Variants in SUPT3H observed in about 807,000 individuals in gnomAD.
The protein encoded by SUPT3H is transcription initiation protein SPT3 homolog.
Under a neutral mutation model 44.3 loss-of-function variants are expected in SUPT3H, and 44 were observed. That is an observed-to-expected ratio of 0.99 (90% CI 0.78 to 1.28). The LOEUF (loss-of-function observed/expected upper bound fraction) is 1.28. Among genes scored for constraint, SUPT3H ranks in the 50% most tolerant of loss-of-function variants. SUPT3H has a pLI of 0.00. For missense variants in SUPT3H, 380 were observed against 387.1 expected (o/e 0.98, Z 0.15); for synonymous variants, 124 against 125.6 (o/e 0.99, Z 0.09).
At chr6:45,154,947 G>A (rs1015577574) in intron 2 of SUPT3H, among the ~76,000 whole-genome samples, 1 of 152,104 alleles carries the variant, frequency 6.6e-6, no homozygotes, top group African/African-American at 2.4e-5. Context: ...AATATGGACA[G>A]TCAGTACATG....
intron 6 of SUPT3H, among the ~76,000 whole-genome samples, chr6:44,974,999 C>CGT (rs1289252197): frequency 1.3e-5 from 2 of 151,988 alleles, no homozygotes; most frequent in African/African-American, 2.4e-5. Flanking sequence ...GGTAAGACCC[C>CGT]GTCTCTACTA....
chr6:45,374,833 G>A (rs1037395327), intron 1 of SUPT3H, among the ~76,000 whole-genome samples: 3 of 152,162 alleles, frequency 2.0e-5, no homozygotes, highest in Non-Finnish European at 4.4e-5. Context: ...TGGCTTAAAT[G>A]GGAAAGTCAC....
At position 45,061,065 on chromosome 6, in the gene SUPT3H, A is replaced by T. The variant is rs368854751; in HGVS notation, c.187-40433T>A. On this transcript the variant is annotated intron_variant, in intron 3 of 10. Transcript: ENST00000371459. ...ATTCCTCAAAGATCAAGAAGCAGAAACACCATTTGACCCAGCAATGCCATT... is the reference window on the plus strand; with the variant it reads ...ATTCCTCAAAGATCAAGAAGCAGAATCACCATTTGACCCAGCAATGCCATT... Among the ~76,000 whole-genome samples, 53 of 152,280 alleles carry T rather than the reference A, an allele frequency of 3.5e-4. 1 individual carries two copies. The East Asian group carries it at 6.9e-3, about 20-fold the overall frequency.
intron 9 of SUPT3H, among the ~76,000 whole-genome samples, chr6:44,940,521 G>C (rs181249224): frequency 8.1e-4 from 123 of 152,226 alleles, no homozygotes; most frequent in African/African-American, 2.5e-3. Flanking sequence ...TTGTTGGGTA[G>C]AATGTTCTGT....
At chr6:45,237,746 A>G (rs1024140482) in intron 2 of SUPT3H, among the ~76,000 whole-genome samples, 1 of 152,220 alleles carries the variant, frequency 6.6e-6, no homozygotes, top group African/African-American at 2.4e-5. Flanking sequence ...TAGTTCCTGA[A>G]CAATTAGAAA....
chr6:44,878,094 A>C (rs539065369), intron 10 of SUPT3H, among the ~76,000 whole-genome samples: 1 of 152,204 alleles, frequency 6.6e-6, no homozygotes, highest in Non-Finnish European at 1.5e-5. Context: ...CAAACACTGA[A>C]CCCTAGCTGC....
intron 5 of SUPT3H, among the ~76,000 whole-genome samples, 166 bp downstream of exon 5, chr6:45,014,635 A>G (rs1783971637): frequency 6.6e-6 from 1 of 152,114 alleles, no homozygotes; most frequent in Non-Finnish European, 1.5e-5. Flanking sequence ...ACACGGTATA[A>G]TATGTTTTAT....
In SUPT3H at chr6:45,091,529, T is replaced by A. The variant is rs1029634077; in HGVS notation, c.186+14393A>T. 2.6e-5 allele frequency among the ~76,000 whole-genome samples: 4 copies of A among 152,062 alleles called. No individual in the cohort carries two copies. The East Asian group carries it at 7.7e-4, about 29-fold the overall frequency. The stretch of plus-strand genomic sequence containing the variant: ...ATCCCCAAACTCTCTAGAGAAGAAA[T>A]GGTTTGAATTCCCTATCTACTACTT... On this transcript the variant is annotated intron_variant, in intron 3 of 10. Coordinates refer to ENST00000371459, the MANE Select transcript of SUPT3H (RefSeq NM_003599.4).
chr6:45,223,649 T>C (rs1028127063), intron 2 of SUPT3H, among the ~76,000 whole-genome samples: 3 of 151,942 alleles, frequency 2.0e-5, no homozygotes, highest in Admixed American at 6.6e-5. Context: ...TTATAACAGA[T>C]AAACTAAAGC....
chr6:45,146,690 C>T (rs1238236340), intron 2 of SUPT3H, among the ~76,000 whole-genome samples: 1 of 152,098 alleles, frequency 6.6e-6, no homozygotes, highest in African/African-American at 2.4e-5. Flanking sequence ...ATAATCACTA[C>T]AAAAGGTGGT....
chr6:44,839,891 G>A (rs539135603), intron 10 of SUPT3H, among the ~76,000 whole-genome samples: 5 of 152,096 alleles, frequency 3.3e-5, no homozygotes, highest in Admixed American at 6.5e-5. Flanking sequence ...TAGTAGAGAT[G>A]GGGTTTCACC....
At chr6:45,375,907 A>G (rs767559126) in intron 1 of SUPT3H, among the ~76,000 whole-genome samples, 1 of 152,148 alleles carries the variant, frequency 6.6e-6, no homozygotes, top group Non-Finnish European at 1.5e-5. Flanking sequence ...TATCTCTCCA[A>G]AAGATTTGGA....
intron 11 of SUPT3H, among the ~76,000 whole-genome samples, chr6:44,815,199 T>C (rs1766829101): frequency 6.6e-6 from 1 of 152,194 alleles, no homozygotes; most frequent in Non-Finnish European, 1.5e-5. Flanking sequence ...CTGAGTTTTT[T>C]GTTTGCAATG....
intron 1 of SUPT3H, among the ~76,000 whole-genome samples, chr6:45,367,194 G>T (rs1165540161): frequency 6.6e-6 from 1 of 152,094 alleles, no homozygotes; most frequent in Non-Finnish European, 1.5e-5. Flanking sequence ...ATATCCCTCT[G>T]GTCTAGTCTG....
intron 2 of SUPT3H, among the ~76,000 whole-genome samples, chr6:45,315,060 G>A (rs1203807772): frequency 6.6e-6 from 1 of 152,054 alleles, no homozygotes; most frequent in Admixed American, 6.5e-5. Flanking sequence ...TTCAACAAAT[G>A]GTGCTCAGAC....
intron 2 of SUPT3H, among the ~76,000 whole-genome samples, chr6:45,331,124 T>C (rs1004618540): frequency 4.6e-5 from 7 of 150,674 alleles, no homozygotes; most frequent in Non-Finnish European, 8.8e-5. Flanking sequence ...TGTGTGTGTG[T>C]GTGCGCGCGC....
chr6:45,320,738 A>C (rs1012321650), intron 2 of SUPT3H, among the ~76,000 whole-genome samples: 1 of 152,216 alleles, frequency 6.6e-6, no homozygotes, highest in East Asian at 1.9e-4. Flanking sequence ...CTTTTAGAAA[A>C]AGTGTGTCAA....
At chr6:45,162,706 C>T (rs1395992319) in intron 2 of SUPT3H, among the ~76,000 whole-genome samples, 1 of 152,076 alleles carries the variant, frequency 6.6e-6, no homozygotes, top group Non-Finnish European at 1.5e-5. Flanking sequence ...AGGGAGACAG[C>T]CAAGAAGAGA....
intron 2 of SUPT3H, among the ~76,000 whole-genome samples, chr6:45,311,520 T>C (rs1042872888): frequency 1.3e-5 from 2 of 152,174 alleles, no homozygotes; most frequent in Non-Finnish European, 2.9e-5. Flanking sequence ...CGTCAGGTTA[T>C]CCAAAGTTAA....
Sources: gnomAD v4.1 joint callset for allele counts (sites outside exome capture counted in the v4.1 genomes callset) on GRCh38, gnomAD v4.1.1 for gene constraint, MANE v1.5 for transcripts, NCBI Gene and HGNC (gene_info 2026-07-23, HGNC 2026-07-21) for gene names.